NLGN4X: variants seen among roughly 807,000 people sequenced by gnomAD.
The protein encoded by NLGN4X is neuroligin 4 X-linked, also known as neuroligin-4, X-linked.
A neutral mutation model predicts 40.3 loss-of-function variants in NLGN4X; 3 were observed. That is an observed-to-expected ratio of 0.07 (90% CI 0.03 to 0.19). The LOEUF (loss-of-function observed/expected upper bound fraction) is 0.19. NLGN4X is among the 10% of genes least tolerant of loss of function. The pLI is 1.00. For synonymous variants in NLGN4X, 270 were observed against 306.8 expected, an observed-to-expected ratio of 0.88 and a Z score of 1.25; for missense variants, 382 against 708.3, an observed-to-expected ratio of 0.54 and a Z score of 5.23.
In NLGN4X at chrX:5,928,986, A is replaced by G. The variant is rs1601903204; in HGVS notation, c.626-19747T>C. On this transcript the variant is annotated intron_variant, in intron 3 of 5. Transcript: ENST00000381095. ...AGACATGCACCACCGTGCCCAGAGA[A>G]AGACTCATTTTGGTTTTAGTTGATC... 5.4e-5 allele frequency among the ~76,000 whole-genome samples: 6 copies of G among 110,416 alleles called. No individual in the cohort carries two copies. The South Asian group carries it at 2.4e-3, about 43-fold the overall frequency.
intron 3 of NLGN4X, among the ~76,000 whole-genome samples, chrX:5,913,663 C>G (rs978818301): frequency 3.6e-5 from 4 of 111,983 alleles, no homozygotes; most frequent in African/African-American, 1.3e-4. Context: ...ACATTGATGC[C>G]AAGTTTCATC....
At chrX:6,176,975 C>T (rs139489051) in intron 1 of NLGN4X, among the ~76,000 whole-genome samples, 2,660 of 111,945 alleles carry the variant, frequency 0.024, 76 homozygotes, top group African/African-American at 0.079. Flanking sequence ...CGCTACATAA[C>T]TGTCAGCCTA....
intron 1 of NLGN4X, among the ~76,000 whole-genome samples, chrX:6,174,757 G>A (rs1461220546): frequency 9.0e-6 from 1 of 111,438 alleles, no homozygotes; most frequent in Non-Finnish European, 1.9e-5. Flanking sequence ...CGGAAATAAA[G>A]ACGGGAGCAA....
intron 3 of NLGN4X, among the ~76,000 whole-genome samples, chrX:5,917,948 T>C (rs2032875176): frequency 8.9e-6 from 1 of 111,926 alleles, no homozygotes; most frequent in South Asian, 3.7e-4. Context: ...TTCAATCTGC[T>C]TACTAAGTGT....
rs202140165 is a variant in NLGN4X, at chrX:6,013,350, G to A, written c.625+15930C>T. Among the ~76,000 whole-genome samples, 69 of 109,165 alleles carry A rather than the reference G, an allele frequency of 6.3e-4. No homozygotes were observed. The East Asian group carries it at 0.01, about 16-fold the overall frequency. 94.8% of individuals were successfully genotyped at this position (109,165 alleles called of 115,157 possible). On this transcript the variant is annotated intron_variant, in intron 3 of 5. Transcript: ENST00000381095. ...GAGTGTAAACAGTGGAAATAAACAC[G>A]GTTTACATGAAACTGGGCATTCACT...
rs182660230 is a variant in NLGN4X, at chrX:6,213,002, G to A, written c.-306+15539C>T. 1.3e-4 allele frequency among the ~76,000 whole-genome samples: 14 copies of A among 111,471 alleles called. No individual in the cohort carries two copies. The East Asian group carries it at 2.5e-3, about 20-fold the overall frequency. ...ATAATTTATCGATATTCCACCATCCGGAAAGTGGAGCTTAATTCTGCCTCT... is the reference window on the plus strand; with the variant it reads ...ATAATTTATCGATATTCCACCATCCAGAAAGTGGAGCTTAATTCTGCCTCT... On this transcript the variant is annotated intron_variant, in intron 1 of 5. Transcript: ENST00000381095.
intron 3 of NLGN4X, among the ~76,000 whole-genome samples, chrX:5,952,911 G>T (rs1282085383): frequency 8.9e-6 from 1 of 111,939 alleles, no homozygotes; most frequent in Non-Finnish European, 1.9e-5. Flanking sequence ...GAGCATCAAT[G>T]TAACTTTCTC....
chrX:6,078,467 C>T (rs2038261593), intron 2 of NLGN4X, among the ~76,000 whole-genome samples: 1 of 111,225 alleles, frequency 9.0e-6, no homozygotes, highest in African/African-American at 3.3e-5. Context: ...TCTGACTTCT[C>T]CTGATGTCTA....
rs188722621 is a variant in NLGN4X at position 6,058,043 on chromosome X, C to A, written c.473-28611G>T. On this transcript the variant is annotated intron_variant, in intron 2 of 5. Transcript: ENST00000381095. Reference sequence around the variant, plus strand: ...ATAAAAATACGTCATAAACACATTGCAATTTTTCAGAAGGGTATATAATCT... The same window carrying A: ...ATAAAAATACGTCATAAACACATTGAAATTTTTCAGAAGGGTATATAATCT... Among the ~76,000 whole-genome samples the A allele has an allele frequency of 5.1e-3, 562 of 111,077 alleles. 4 individuals carry two copies. Among genetic ancestry groups the A allele is most frequent in the African/African-American group, 0.018 (541 of 30,565 alleles).
chrX:6,080,026 A>G (rs1942083942), intron 2 of NLGN4X, among the ~76,000 whole-genome samples: 1 of 110,504 alleles, frequency 9.0e-6, no homozygotes, highest in South Asian at 4.0e-4. Flanking sequence ...GAAGACATAA[A>G]GCAGCTATAT....
intron 2 of NLGN4X, among the ~76,000 whole-genome samples, chrX:6,150,110 A>G (rs2040134032): frequency 9.0e-6 from 1 of 111,596 alleles, no homozygotes; most frequent in African/African-American, 3.3e-5. Flanking sequence ...CTTTCCAGGT[A>G]TATTTTATTC....
chrX:6,000,019 A>C (rs1263869042), intron 3 of NLGN4X, among the ~76,000 whole-genome samples: 1 of 112,377 alleles, frequency 8.9e-6, no homozygotes, highest in Non-Finnish European at 1.9e-5. Flanking sequence ...GTAACAATAA[A>C]ACCAAGAGTC....
chrX:6,196,299 C>G (rs1923041008), intron 1 of NLGN4X, among the ~76,000 whole-genome samples: 1 of 111,105 alleles, frequency 9.0e-6, no homozygotes, highest in African/African-American at 3.3e-5. Context: ...CGCCTGTAAT[C>G]CCAGCTACTC....
Position 6,158,743 on chromosome X carries a change from C to A in NLGN4X, c.-305-6972G>T, listed in dbSNP as rs748007446. ...GTTTGCTGCACAAATCAACCCATCA[C>A]CTATGTATTAAGCCCAGCATCTATT... On this transcript the variant is annotated intron_variant, in intron 1 of 5. Coordinates refer to ENST00000381095, the MANE Select transcript of NLGN4X (RefSeq NM_181332.3). 1.6e-4 allele frequency among the ~76,000 whole-genome samples: 18 copies of A among 111,646 alleles called. No individual in the cohort carries two copies. In the East Asian group the frequency reaches 4.2e-3, roughly 26 times the overall value.
At chrX:6,046,988 A>G (rs2037340695) in intron 2 of NLGN4X, among the ~76,000 whole-genome samples, 1 of 108,526 alleles carries the variant, frequency 9.2e-6, no homozygotes, top group South Asian at 3.7e-4. Context: ...ATATAATTAT[A>G]CATACATTAT....
intron 3 of NLGN4X, among the ~76,000 whole-genome samples, chrX:5,951,904 G>A (rs1211493787): frequency 8.9e-6 from 1 of 112,186 alleles, no homozygotes; most frequent in Non-Finnish European, 1.9e-5. Flanking sequence ...AGAGCAAGTA[G>A]TATGAAGCCT....
At chrX:6,149,158 G>A (rs936339358) in intron 2 of NLGN4X, among the ~76,000 whole-genome samples, 5 of 111,899 alleles carry the variant, frequency 4.5e-5, no homozygotes, top group South Asian at 7.4e-4. Flanking sequence ...ATTCAATACC[G>A]AATTGCAATG....
At position 6,044,788 on chromosome X, in the gene NLGN4X, G is replaced by A. The variant is rs1487573554; in HGVS notation, c.473-15356C>T. Among the ~76,000 whole-genome samples the A allele has an allele frequency of 1.6e-4, 18 of 111,937 alleles. No homozygotes were observed. In the Admixed American group the frequency reaches 1.6e-3, roughly 10 times the overall value. On this transcript the variant is annotated intron_variant, in intron 2 of 5. Coordinates refer to ENST00000381095, the MANE Select transcript of NLGN4X (RefSeq NM_181332.3). ...GGGGATATATGAGAACTCTCTGTAC[G>A]TTCCCCTCTATTTTGTTGTGAACCT...
At chrX:6,132,559 A>T (rs1489002323) in intron 2 of NLGN4X, among the ~76,000 whole-genome samples, 1 of 111,476 alleles carries the variant, frequency 9.0e-6, no homozygotes, top group African/African-American at 3.3e-5. Context: ...AGACATTGTC[A>T]AATGTCCCTT....
Sources: gnomAD v4.1 joint callset for allele counts (sites outside exome capture counted in the v4.1 genomes callset) on GRCh38, gnomAD v4.1.1 for gene constraint, MANE v1.5 for transcripts, NCBI Gene and HGNC (gene_info 2026-07-23, HGNC 2026-07-21) for gene names.